HCRTR2: variants seen among roughly 807,000 people sequenced by gnomAD.
HCRTR2 encodes the protein hypocretin receptor 2.
HCRTR2 carries 22 observed loss-of-function variants against 49.0 expected under a neutral mutation model. That is an observed-to-expected ratio of 0.45 (90% CI 0.32 to 0.64). The LOEUF is 0.64. HCRTR2 is among the 30% of genes least tolerant of loss of function. HCRTR2 has a pLI of 0.04. For missense variants in HCRTR2, 491 were observed against 559.4 expected, an observed-to-expected ratio of 0.88 and a Z score of 1.23; for synonymous variants, 236 against 205.3, an observed-to-expected ratio of 1.15 and a Z score of -1.28.
At chr6:55,247,621 C>T (rs1766471315) in intron 1 of HCRTR2, among the ~76,000 whole-genome samples, 1 of 152,000 alleles carries the variant, frequency 6.6e-6, no homozygotes, top group Non-Finnish European at 1.5e-5. Context: ...GCAGCGTGTA[C>T]ACCTATATAA....
intron 1 of HCRTR2, among the ~76,000 whole-genome samples, chr6:55,123,274 T>C (rs1764227182): frequency 6.6e-6 from 1 of 152,100 alleles, no homozygotes. Context: ...TTGTCATAAA[T>C]AGCTCTTTTT....
At chr6:55,244,723 A>T (rs1766397624) in intron 1 of HCRTR2, among the ~76,000 whole-genome samples, 1 of 152,018 alleles carries the variant, frequency 6.6e-6, no homozygotes, top group Non-Finnish European at 1.5e-5. Flanking sequence ...AGTTGTAGAT[A>T]TATATGTAGT....
intron 1 of HCRTR2, among the ~76,000 whole-genome samples, chr6:55,234,952 T>C (rs1237565910): frequency 6.6e-6 from 1 of 152,086 alleles, no homozygotes; most frequent in Non-Finnish European, 1.5e-5. Context: ...AAAATTTCCA[T>C]CAATTGTAGA....
At chr6:55,247,343 C>T (rs560185464) in intron 1 of HCRTR2, among the ~76,000 whole-genome samples, 1 of 152,232 alleles carries the variant, frequency 6.6e-6, no homozygotes, top group Admixed American at 6.6e-5. Context: ...AAATTGACAT[C>T]TGTTGGTAGC....
chr6:55,209,523 A>G (rs571441847), intron 1 of HCRTR2, among the ~76,000 whole-genome samples: 1 of 152,272 alleles, frequency 6.6e-6, no homozygotes, highest in East Asian at 1.9e-4. Context: ...CACATGCCAC[A>G]CAGACAATCA....
chr6:55,220,376 A>G (rs1765868653), intron 1 of HCRTR2, among the ~76,000 whole-genome samples: 1 of 152,208 alleles, frequency 6.6e-6, no homozygotes, highest in South Asian at 2.1e-4. Context: ...AGTTGAATTT[A>G]TCTCTGGAAT....
intron 1 of HCRTR2, among the ~76,000 whole-genome samples, chr6:55,212,210 G>T (rs1394586760): frequency 6.6e-6 from 1 of 152,178 alleles, no homozygotes; most frequent in Non-Finnish European, 1.5e-5. Context: ...TTCCCTGAGT[G>T]TGAGGCTTGC....
intron 1 of HCRTR2, among the ~76,000 whole-genome samples, chr6:55,210,868 A>G (rs1765683714): frequency 6.6e-6 from 1 of 152,122 alleles, no homozygotes; most frequent in Non-Finnish European, 1.5e-5. Context: ...CTAAATGTTG[A>G]TTGGCATTGT....
At chr6:55,174,453 A>G (rs1764998538), upstream of HCRTR2, 7 of 797,566 alleles carry the variant, frequency 8.8e-6, no homozygotes, top group Non-Finnish European at 1.5e-5. Context: ...TGGCTCAGTA[A>G]CTTTTCACGT....
chr6:55,216,025 G>T (rs965908531), intron 1 of HCRTR2, among the ~76,000 whole-genome samples: 2 of 152,130 alleles, frequency 1.3e-5, no homozygotes, highest in Non-Finnish European at 2.9e-5. Context: ...TGACAAAAAA[G>T]CAACAGCAAG....
chr6:55,272,670 T>C (rs1581870798), intron 4 of HCRTR2, among the ~76,000 whole-genome samples: 1 of 151,750 alleles, frequency 6.6e-6, no homozygotes, highest in Non-Finnish European at 1.5e-5. Context: ...CAATTTGACA[T>C]GTTAATGTAA....
chr6:55,253,466 T>A (rs771780230), intron 2 of HCRTR2, among the ~76,000 whole-genome samples: 2 of 152,146 alleles, frequency 1.3e-5, no homozygotes, highest in Non-Finnish European at 2.9e-5. Context: ...GAGATCAATA[T>A]AACCAGGACA....
At chr6:55,173,082 A>G (rs911453418), upstream of HCRTR2, among the ~76,000 whole-genome samples, 2 of 152,202 alleles carry the variant, frequency 1.3e-5, no homozygotes, top group Non-Finnish European at 2.9e-5. Context: ...AAAATACTAA[A>G]AAAGAAACAT....
At chr6:55,262,549 CTTA>C (rs1180986533) in intron 3 of HCRTR2, among the ~76,000 whole-genome samples, 21 of 123,568 alleles carry the variant, frequency 1.7e-4, no homozygotes, top group African/African-American at 2.8e-4. Context: ...TATAATATAA[CTTA>C]TTATATATTA....
At chr6:55,217,814 C>A (rs1007661861) in intron 1 of HCRTR2, among the ~76,000 whole-genome samples, 6 of 152,138 alleles carry the variant, frequency 3.9e-5, no homozygotes, top group African/African-American at 1.4e-4. Flanking sequence ...TCCTCCAAAC[C>A]CTTCCAGCCT....
upstream of HCRTR2, chr6:55,174,412 G>C: frequency 1.5e-6 from 1 of 662,230 alleles, no homozygotes. Context: ...AGCCACCGCA[G>C]AAGTTGCCCG....
chr6:55,196,708 A>G (rs1765423430), intron 1 of HCRTR2, among the ~76,000 whole-genome samples: 2 of 152,202 alleles, frequency 1.3e-5, no homozygotes, highest in African/African-American at 2.4e-5. Context: ...AAGGAAGAAA[A>G]AGAGAGAAAA....
At chr6:55,134,677 C>T (rs1273031299) in intron 1 of HCRTR2, among the ~76,000 whole-genome samples, 1 of 151,898 alleles carries the variant, frequency 6.6e-6, no homozygotes, top group African/African-American at 2.4e-5. Flanking sequence ...ATTTTATTCT[C>T]TTTCTATGGG....
At chr6:55,180,235 C>T (rs1765108007) in intron 1 of HCRTR2, among the ~76,000 whole-genome samples, 1 of 152,210 alleles carries the variant, frequency 6.6e-6, no homozygotes, top group Admixed American at 6.5e-5. Flanking sequence ...AAAGTTTAGT[C>T]AGGCAGTAAA....
Sources: allele counts gnomAD v4.1 joint callset (sites outside exome capture counted in the v4.1 genomes callset), GRCh38; gene constraint gnomAD v4.1.1; transcripts MANE v1.5; gene names NCBI Gene and HGNC (gene_info 2026-07-23, HGNC 2026-07-21).